The following RIT2 variants were observed in gnomAD, a reference collection of about 807,000 sequenced individuals.
RIT2 encodes GTP-binding protein Rit2.
A neutral mutation model predicts 23.7 loss-of-function variants in RIT2; 24 were observed. That is an observed-to-expected ratio of 1.01 (90% CI 0.73 to 1.43). RIT2 has a LOEUF of 1.43. RIT2 is among the 40% of genes most tolerant of loss of function. The pLI is 0.00. For synonymous variants in RIT2, 107 were observed against 91.1 expected (o/e 1.17, Z -0.99); for missense variants, 236 against 266.9 (o/e 0.88, Z 0.81).
intron 4 of RIT2, among the ~76,000 whole-genome samples, chr18:42,756,621 T>C (rs1441832452): frequency 1.3e-5 from 2 of 152,204 alleles, no homozygotes; most frequent in African/African-American, 4.8e-5. Context: ...AATTGGGCAG[T>C]ACGTGCAATA....
chr18:42,980,803 C>A (rs1910582073), intron 2 of RIT2, among the ~76,000 whole-genome samples: 1 of 151,984 alleles, frequency 6.6e-6, no homozygotes, highest in African/African-American at 2.4e-5. Flanking sequence ...TAAACAATGA[C>A]TTATCAGATC....
intron 4 of RIT2, among the ~76,000 whole-genome samples, chr18:42,913,470 C>A (rs1790573): frequency 0.019 from 2,811 of 151,680 alleles, 88 homozygotes; most frequent in African/African-American, 0.063. Context: ...ATTTCCAAGT[C>A]ACATATCTAC....
intron 3 of RIT2, among the ~76,000 whole-genome samples, chr18:42,956,964 A>G (rs1331520480): frequency 1.3e-5 from 2 of 152,166 alleles, no homozygotes; most frequent in African/African-American, 4.8e-5. Flanking sequence ...GTCTAGGACA[A>G]AATGTTTACT....
chr18:42,897,694 A>T (rs1908368136), intron 4 of RIT2, among the ~76,000 whole-genome samples: 1 of 152,210 alleles, frequency 6.6e-6, no homozygotes, highest in South Asian at 2.1e-4. Context: ...ATAAATTCAA[A>T]TATAAGTATA....
At chr18:42,850,417 C>T (rs150476013) in intron 4 of RIT2, among the ~76,000 whole-genome samples, 2 of 152,168 alleles carry the variant, frequency 1.3e-5, no homozygotes, top group Non-Finnish European at 2.9e-5. Flanking sequence ...GTAAAGTTGG[C>T]CTGGACATAA....
At chr18:43,005,431 A>C (rs189673651) in intron 2 of RIT2, among the ~76,000 whole-genome samples, 212 of 151,952 alleles carry the variant, frequency 1.4e-3, no homozygotes, top group African/African-American at 4.9e-3. Flanking sequence ...GAGAATGGAA[A>C]CTAATGTGTT....
intron 4 of RIT2, among the ~76,000 whole-genome samples, chr18:42,808,380 G>A (rs1160940708): frequency 6.6e-6 from 1 of 152,056 alleles, no homozygotes; most frequent in Non-Finnish European, 1.5e-5. Flanking sequence ...ACACATAGAG[G>A]ACATGTAAAG....
At chr18:42,757,003 G>C (rs993886836) in intron 4 of RIT2, among the ~76,000 whole-genome samples, 3 of 151,974 alleles carry the variant, frequency 2.0e-5, no homozygotes, top group African/African-American at 7.2e-5. Flanking sequence ...AGATCAAGAA[G>C]ACAAAGGACA....
chr18:43,034,428 T>C (rs924877062), intron 1 of RIT2, among the ~76,000 whole-genome samples: 8 of 152,216 alleles, frequency 5.3e-5, no homozygotes, highest in African/African-American at 1.4e-4. Flanking sequence ...ACTTTTTTTC[T>C]GTAATTCTGT....
chr18:42,853,341 AT>A (rs1907105431), intron 4 of RIT2, among the ~76,000 whole-genome samples: 1 of 152,226 alleles, frequency 6.6e-6, no homozygotes, highest in Non-Finnish European at 1.5e-5. Context: ...ATACTTTTAA[AT>A]TCTGACTATG....
intron 2 of RIT2, among the ~76,000 whole-genome samples, chr18:43,024,707 A>AAACAACAAC (rs141467663): frequency 9.3e-5 from 14 of 150,214 alleles, no homozygotes; most frequent in African/African-American, 2.7e-4. Context: ...GAACTCAAAC[A>AAACAACAAC]AACAACAACA....
At chr18:43,036,554 C>T (rs1347933458) in intron 1 of RIT2, among the ~76,000 whole-genome samples, 1 of 151,964 alleles carries the variant, frequency 6.6e-6, no homozygotes, top group African/African-American at 2.4e-5. Context: ...TACCTCCCCC[C>T]GCCAGCCTGC....
chr18:43,006,273 C>T (rs1911226391), intron 2 of RIT2, among the ~76,000 whole-genome samples: 1 of 150,960 alleles, frequency 6.6e-6, no homozygotes, highest in African/African-American at 2.4e-5. Context: ...TTAAAGCCAT[C>T]TTTTGTACAA....
intron 4 of RIT2, among the ~76,000 whole-genome samples, chr18:42,899,124 G>A (rs1042628507): frequency 6.6e-6 from 1 of 151,352 alleles, no homozygotes; most frequent in Non-Finnish European, 1.5e-5. Flanking sequence ...AGCATCTATT[G>A]GTTATTCTTT....
At chr18:42,916,744 A>G (rs1391000294) in intron 4 of RIT2, among the ~76,000 whole-genome samples, 1 of 152,086 alleles carries the variant, frequency 6.6e-6, no homozygotes, top group African/African-American at 2.4e-5. Context: ...ACCTACTGAC[A>G]TTATCTCATC....
chr18:42,754,303 C>T (rs574788668), intron 4 of RIT2, among the ~76,000 whole-genome samples: 6 of 152,192 alleles, frequency 3.9e-5, no homozygotes, highest in African/African-American at 1.4e-4. Context: ...CAGATTTCCA[C>T]CTGGGTTCTT....
chr18:42,767,524 C>A (rs968124919), intron 4 of RIT2, among the ~76,000 whole-genome samples: 2 of 152,132 alleles, frequency 1.3e-5, no homozygotes, highest in African/African-American at 4.8e-5. Context: ...GGCTCATAGG[C>A]TGAAGGTACT....
intron 4 of RIT2, among the ~76,000 whole-genome samples, chr18:42,894,421 A>C (rs1413142601): frequency 1.3e-5 from 2 of 152,132 alleles, no homozygotes; most frequent in African/African-American, 4.8e-5. Context: ...AACGAAGCTC[A>C]CTAATTCCTG....
intron 2 of RIT2, among the ~76,000 whole-genome samples, chr18:43,012,842 T>C (rs1911381769): frequency 1.3e-5 from 2 of 151,720 alleles, no homozygotes; most frequent in Admixed American, 6.6e-5. Context: ...TCCCAAAAAG[T>C]TAAGTGGCCT....
Sources: gnomAD v4.1 joint callset for allele counts (sites outside exome capture counted in the v4.1 genomes callset) on GRCh38, gnomAD v4.1.1 for gene constraint, MANE v1.5 for transcripts, NCBI Gene and HGNC (gene_info 2026-07-23, HGNC 2026-07-21) for gene names.